Variants in CCDC40 observed in about 807,000 individuals in gnomAD.
The protein encoded by CCDC40 is coiled-coil domain-containing protein 40.
Under a neutral mutation model 124.5 loss-of-function variants are expected in CCDC40, and 104 were observed. That is an observed-to-expected ratio of 0.84 (90% CI 0.71 to 0.98). CCDC40 has a LOEUF of 0.98. CCDC40 is among the 50% of genes least tolerant of loss of function. CCDC40 has a pLI of 0.00. For synonymous variants in CCDC40, 580 were observed against 602.9 expected, an observed-to-expected ratio of 0.96 and a Z score of 0.56; for missense variants, 1,463 against 1,503.9, an observed-to-expected ratio of 0.97 and a Z score of 0.45.
Position 80,086,483 on chromosome 17 carries a change from A to C in CCDC40, c.2449+267A>C. 2.2e-6 allele frequency: 1 copy of C among 450,164 alleles called. No homozygotes were observed. The highest frequency in any genetic ancestry group is 2.1e-5 in the South Asian group (1 of 47,814). 27.9% of individuals were successfully genotyped at this position (450,164 alleles called of 1,614,324 possible). On this transcript the variant is annotated intron_variant, in intron 14 of 19. Coordinates refer to ENST00000397545, the MANE Select transcript of CCDC40 (RefSeq NM_017950.4). The surrounding 1 kb of genome is among the most constrained non-coding windows in gnomAD (Gnocchi z 5.5). The stretch of plus-strand genomic sequence containing the variant: ...ACTTCAGAGCTCTCCTTGAGAGAGG[A>C]GCATGGAAGGTTATCATCCCCGCCA...
chr17:80,088,283 G>C, intron 16 of CCDC40, 181 bp downstream of exon 16: 1 of 661,190 alleles, frequency 1.5e-6, no homozygotes, highest in Non-Finnish European at 2.8e-6. Context: ...AGACAGTCTT[G>C]CTCTATCCCA....
In CCDC40 at chr17:80,084,723, A is replaced by G. The variant is rs1277824444; in HGVS notation, c.1990-20A>G. On this transcript the variant is annotated intron_variant, in intron 12 of 19. Transcript: ENST00000397545. ...TTGGGTGGGGGCAATATTCACAGGT[A>G]TTTCTTTTCATCAATTCAGATGACA... 6.2e-7 allele frequency: 1 copy of G among 1,613,434 alleles called. No individual in the cohort carries two copies. Among genetic ancestry groups the G allele is most frequent in the Non-Finnish European group, 8.5e-7 (1 of 1,179,946 alleles).
At position 80,090,214 on chromosome 17, in the gene CCDC40, A is replaced by C; in HGVS notation, c.2832+330A>C. The C allele has an allele frequency of 4.4e-5, 34 of 768,958 alleles. 6 individuals carry two copies. Among genetic ancestry groups the C allele is most frequent in the South Asian group, 3.0e-4 (13 of 43,290 alleles). 47.6% of individuals were successfully genotyped at this position (768,958 alleles called of 1,614,324 possible). Reference sequence around the variant, plus strand: ...CGGGACGCACGCAGGCACGTGCACGAAGAACACGGGACGCGCGCAGGCACG... The same window carrying C: ...CGGGACGCACGCAGGCACGTGCACGCAGAACACGGGACGCGCGCAGGCACG... On this transcript the variant is annotated intron_variant, in intron 17 of 19. Coordinates refer to ENST00000397545, the MANE Select transcript of CCDC40 (RefSeq NM_017950.4).
chr17:80,037,688 A>AAAAAAAAAAATAT, intron 1 of CCDC40, among the ~76,000 whole-genome samples: 3 of 45,678 alleles, frequency 6.6e-5, no homozygotes, highest in African/African-American at 1.8e-4. Context: ...TTTTTTAAAA[A>AAAAAAAAAAATAT]AGATATACAT....
intron 10 of CCDC40, chr17:80,067,643 T>C (rs2038081022): frequency 1.3e-6 from 2 of 1,536,164 alleles, no homozygotes; most frequent in Non-Finnish European, 1.7e-6. Context: ...CCGTCTGTTA[T>C]GGCGGTGCTG....
intron 2 of CCDC40, among the ~76,000 whole-genome samples, chr17:80,039,330 G>A (rs928235170): frequency 5.3e-5 from 8 of 150,556 alleles, no homozygotes; most frequent in Non-Finnish European, 8.9e-5. Context: ...TCACGCCACC[G>A]CACTCCAGCC....
intron 10 of CCDC40, chr17:80,067,964 A>G: frequency 8.9e-7 from 1 of 1,118,158 alleles, no homozygotes; most frequent in Non-Finnish European, 1.1e-6. Context: ...CGAGTGAGAG[A>G]GCCTCTGACT....
rs1194116902 is a variant in CCDC40, at chr17:80,100,553, A to T, written c.*778A>T. 1 of 151,986 alleles carries T rather than the reference A, an allele frequency of 6.6e-6. No individual in the cohort carries two copies. The highest frequency in any genetic ancestry group is 1.5e-5 in the Non-Finnish European group (1 of 68,018). 9.4% of individuals were successfully genotyped at this position (151,986 alleles called of 1,614,324 possible). A position where few individuals can be genotyped will look rare whatever the true frequency, so the allele number is the denominator to read the frequency against. ...GTTTAAAGGGAAAATGCTCTACAAA[A>T]TAATTTCACTTTCAAACATTTCAGC... On this transcript the variant is annotated 3_prime_UTR_variant, in exon 20 of 20. Transcript: ENST00000397545.
intron 7 of CCDC40, 73 bp downstream of exon 7, chr17:80,050,356 G>A (rs1291274597): frequency 8.1e-7 from 1 of 1,228,790 alleles, no homozygotes; most frequent in Non-Finnish European, 1.2e-6. Flanking sequence ...ATGTACCATG[G>A]CCAGGCATCT....
chr17:80,051,388 G>A lies in CCDC40; in HGVS notation c.1159+1105G>A, dbSNP rs571105830. On this transcript the variant is annotated intron_variant, in intron 7 of 19. Coordinates refer to ENST00000397545, the MANE Select transcript of CCDC40 (RefSeq NM_017950.4). Reference sequence around the variant, plus strand: ...CTCACGCCTGTAATCCTAGCACTTTGGGAGGCCGAGGCGGGCGGATCACGA... The same window carrying A: ...CTCACGCCTGTAATCCTAGCACTTTAGGAGGCCGAGGCGGGCGGATCACGA... 26 of 490,146 alleles carry A rather than the reference G, an allele frequency of 5.3e-5. No homozygotes were observed. The South Asian group carries it at 2.1e-3, about 39-fold the overall frequency. 30.4% of individuals were successfully genotyped at this position (490,146 alleles called of 1,614,324 possible).
chr17:80,049,053 CT>C (rs1378231206), intron 5 of CCDC40, among the ~76,000 whole-genome samples: 1 of 146,916 alleles, frequency 6.8e-6, no homozygotes, highest in Non-Finnish European at 1.5e-5. Flanking sequence ...CGAGCTCCCC[CT>C]GCTACATGCC....
At chr17:80,083,783 G>A (rs2038514184) in intron 12 of CCDC40, among the ~76,000 whole-genome samples, 1 of 152,240 alleles carries the variant, frequency 6.6e-6, no homozygotes, top group Admixed American at 6.5e-5. Context: ...TGGCGGCTCA[G>A]ACCTGCCGGA....
rs931241555 is a variant in CCDC40, at chr17:80,038,268, C to T, written c.93+82C>T. ...ATCAGAGTACGGGCACTGTGGCTCA[C>T]GCCTGTAATCCCAACACTTTGGGAG... On this transcript the variant is annotated intron_variant, in intron 2 of 19. Coordinates refer to ENST00000397545, the MANE Select transcript of CCDC40 (RefSeq NM_017950.4). 29 of 952,132 alleles carry T rather than the reference C, an allele frequency of 3.0e-5. No homozygotes were observed. In the African/African-American group the frequency reaches 3.1e-4, roughly 10 times the overall value. The allele number at this position is 952,132 out of a possible 1,614,324, so 59.0% of individuals were successfully genotyped here.
chr17:80,082,428 A>G (rs901192161), intron 12 of CCDC40, among the ~76,000 whole-genome samples: 4 of 150,734 alleles, frequency 2.7e-5, no homozygotes, highest in Non-Finnish European at 4.4e-5. Flanking sequence ...GTGTCCTTAG[A>G]AAAAACAATT....
chr17:80,048,711 G>A lies in CCDC40; in HGVS notation c.805G>A (p.Glu269Lys), dbSNP rs541366157. ...GAGAGTGGAGTCCGAGGGGAGTGAC[G>A]AGGAAGCAGAAGACGAAGGGTCCCA... ...AERVESEGSD[E>K]EAEDEGSQLV... Residue 269 changes from glutamate (E) to lysine (K), a missense_variant, in exon 5 of 20, where the codon GAG (glutamate) becomes AAG (lysine). Glu to Lys is a moderately conservative substitution (Grantham distance 56). Coordinates refer to ENST00000397545, the MANE Select transcript of CCDC40 (RefSeq NM_017950.4). The A allele has an allele frequency of 2.9e-5, 46 of 1,613,898 alleles. No homozygotes were observed. The highest frequency in any genetic ancestry group is 1.6e-4 in the Middle Eastern group (1 of 6,062).
chr17:80,072,146 T>G (rs962635747), intron 10 of CCDC40, among the ~76,000 whole-genome samples: 1 of 152,108 alleles, frequency 6.6e-6, no homozygotes, highest in Non-Finnish European at 1.5e-5. Flanking sequence ...AGCCTGCATT[T>G]TGGACTTAGG....
At chr17:80,089,931 T>C in intron 17 of CCDC40, 47 bp downstream of exon 17, 2 of 1,608,318 alleles carry the variant, frequency 1.2e-6, no homozygotes, top group East Asian at 2.2e-5. Context: ...GTGCCAGCCC[T>C]TGGGCTCTGG....
At chr17:80,056,016 A>ATATATTTTTTTTTTTTTTTTTTTTTTTTT (rs71163913) in intron 7 of CCDC40, among the ~76,000 whole-genome samples, 1 of 10,258 alleles carries the variant, frequency 9.7e-5, no homozygotes, top group African/African-American at 3.5e-4. Flanking sequence ...ATATATATAT[A>ATATATTTTTTTTTTTTTTTTTTTTTTTTT]TTTTTTTTTT....
intron 9 of CCDC40, among the ~76,000 whole-genome samples, chr17:80,063,440 A>G (rs559994203): frequency 6.6e-6 from 1 of 152,182 alleles, no homozygotes; most frequent in East Asian, 1.9e-4. Flanking sequence ...TTATGCCTTG[A>G]CCTGCACCTC....
Sources: gnomAD v4.1 joint callset for allele counts (sites outside exome capture counted in the v4.1 genomes callset) on GRCh38, gnomAD v4.1.1 for gene constraint, Gnocchi (gnomAD v3.1) non-coding constraint, MANE v1.5 for transcripts, NCBI Gene and HGNC (gene_info 2026-07-23, HGNC 2026-07-21) for gene names.